The following PITHD1 variants were observed in gnomAD, a reference collection of about 807,000 sequenced individuals.
The protein encoded by PITHD1 is PITH domain containing 1.
A neutral mutation model predicts 27.5 loss-of-function variants in PITHD1; 8 were observed. The ratio of observed to expected loss-of-function variants is 0.29; its 90% confidence interval spans 0.17 to 0.52. The LOEUF is 0.52. Ranked by LOEUF, PITHD1 falls within the 20% of genes least tolerant of loss-of-function variation. The probability of loss-of-function intolerance (pLI) is 0.96; values close to 1 mark genes in which losing one functional copy is unlikely to be tolerated. For synonymous variants in PITHD1, 118 were observed against 106.8 expected (o/e 1.10, Z -0.64); for missense variants, 233 against 283.9 (o/e 0.82, Z 1.29).
rs549344099 is a variant in PITHD1 at position 23,788,156 on chromosome 1, G to C, written c.*780G>C. 6.6e-6 allele frequency: 1 copy of C among 152,310 alleles called. No homozygotes were observed. The highest frequency in any genetic ancestry group is 3.4e-3 in the Middle Eastern group (1 of 294). The allele number at this position is 152,310 out of a possible 1,614,324, so 9.4% of individuals were successfully genotyped here. On this transcript the variant is annotated 3_prime_UTR_variant, in exon 6 of 6. Coordinates refer to ENST00000246151, the MANE Select transcript of PITHD1 (RefSeq NM_020362.5). ...GTTGTAAGTCCGATGCCAGAATTTGGAGATTTGAGTTCTTCTTTTCATGGC... is the reference window on the plus strand; with the variant it reads ...GTTGTAAGTCCGATGCCAGAATTTGCAGATTTGAGTTCTTCTTTTCATGGC...
At chr1:23,785,262 G>T (rs1225756707) in intron 3 of PITHD1, 1 of 160,416 alleles carries the variant, frequency 6.2e-6, no homozygotes, top group African/African-American at 2.4e-5. Flanking sequence ...GGAGACCGAC[G>T]TAGGCGGATC....
At position 23,779,463 on chromosome 1, in the gene PITHD1, A is replaced by C; in HGVS notation, c.224A>C (p.Glu75Ala). ...SKFVESDADE[E>A]LLFNIPFTGN... is the part of the protein sequence containing the mutation. ...TTTGTTGAAAGTGATGCAGATGAAG[A>C]GCTTCTGTTTAATATTCCGTAAGTA... The change falls in exon 2 of 6, where the codon GAG (glutamate) becomes GCG (alanine). Residue 75 changes from glutamate (E) to alanine (A), a missense_variant. Transcript: ENST00000246151. The C allele has an allele frequency of 1.2e-6, 2 of 1,612,696 alleles. No homozygotes were observed. Among genetic ancestry groups the C allele is most frequent in the Non-Finnish European group, 1.7e-6 (2 of 1,178,796 alleles).
intron 3 of PITHD1, among the ~76,000 whole-genome samples, chr1:23,784,241 T>TTG (rs1487025228): frequency 7.3e-6 from 1 of 137,770 alleles, no homozygotes; most frequent in South Asian, 2.5e-4. Flanking sequence ...TTTCTTTTTT[T>TTG]TTTTTTTTTT....
At chr1:23,781,045 G>T (rs968568548) in intron 3 of PITHD1, among the ~76,000 whole-genome samples, 1 of 151,754 alleles carries the variant, frequency 6.6e-6, no homozygotes, top group African/African-American at 2.4e-5. Flanking sequence ...AAAATTAGCC[G>T]GGCATGGTGG....
Position 23,778,633 on chromosome 1 carries a change from C to T in PITHD1, c.118C>T (p.Leu40=). 7.5e-7 allele frequency: 1 copy of T among 1,333,680 alleles called. No individual in the cohort carries two copies. Among genetic ancestry groups the T allele is most frequent in the Non-Finnish European group, 9.6e-7 (1 of 1,042,950 alleles). 82.6% of individuals were successfully genotyped at this position (1,333,680 alleles called of 1,614,324 possible). Reference sequence around the variant, plus strand: ...GTACCTGCGCATCGACCTGGAGCGGCTGCAATGCCTTAACGAGAGCCGCGA... The same window carrying T: ...GTACCTGCGCATCGACCTGGAGCGGTTGCAATGCCTTAACGAGAGCCGCGA... The part of the protein sequence containing the change: ...GLYLRIDLER[L]QCLNESREGS... Residue 40 remains leucine, a synonymous_variant, in exon 1 of 6, where the codon CTG becomes TTG. Transcript: ENST00000246151.
Position 23,787,686 on chromosome 1 carries a change from A to T in PITHD1, c.*310A>T, listed in dbSNP as rs945159741. On this transcript the variant is annotated 3_prime_UTR_variant, in exon 6 of 6. Coordinates refer to ENST00000246151, the MANE Select transcript of PITHD1 (RefSeq NM_020362.5). Reference sequence around the variant, plus strand: ...ATGTGGCCATGTGATTCCAAGTGTCATGTTGCTTTGTGGCAAGATTGTTGT... The same window carrying T: ...ATGTGGCCATGTGATTCCAAGTGTCTTGTTGCTTTGTGGCAAGATTGTTGT... 1.5e-5 allele frequency: 3 copies of T among 198,286 alleles called. No homozygotes were observed. Among genetic ancestry groups the T allele is most frequent in the African/African-American group, 7.0e-5 (3 of 42,992 alleles). 12.3% of individuals were successfully genotyped at this position (198,286 alleles called of 1,614,324 possible).
Position 23,787,546 on chromosome 1 carries a change from T to C in PITHD1, c.*170T>C, listed in dbSNP as rs1638704232. On this transcript the variant is annotated 3_prime_UTR_variant, in exon 6 of 6. Coordinates refer to ENST00000246151, the MANE Select transcript of PITHD1 (RefSeq NM_020362.5). ...TGGCCTACGGAAGATACGACACCAC[T>C]GGGAGGGTTGTGTAGGTGCCAGGGG... 1 of 491,788 alleles carries C rather than the reference T, an allele frequency of 2.0e-6. No homozygotes were observed. The highest frequency in any genetic ancestry group is 2.0e-5 in the African/African-American group (1 of 51,140). The allele number at this position is 491,788 out of a possible 1,614,324, so 30.5% of individuals were successfully genotyped here.
chr1:23,784,130 A>G (rs1263647692), intron 3 of PITHD1, among the ~76,000 whole-genome samples: 1 of 152,012 alleles, frequency 6.6e-6, no homozygotes, highest in Non-Finnish European at 1.5e-5. Flanking sequence ...GATTTTAACT[A>G]CAGCGCTATA....
At chr1:23,782,132 C>T (rs1335214005) in intron 3 of PITHD1, among the ~76,000 whole-genome samples, 1 of 152,030 alleles carries the variant, frequency 6.6e-6, no homozygotes, top group East Asian at 1.9e-4. Context: ...AAAGAATTAC[C>T]ATTCAGCCAG....
At position 23,784,535 on chromosome 1, in the gene PITHD1, C is replaced by T. The variant is rs532600814; in HGVS notation, c.321-1140C>T. On this transcript the variant is annotated intron_variant, in intron 3 of 5. Transcript: ENST00000246151. Reference sequence around the variant, plus strand: ...GATTACAGGTGTGAGCCACTGCGCCCGGCGGCTTTCTTAAATTACATGCAT... The same window carrying T: ...GATTACAGGTGTGAGCCACTGCGCCTGGCGGCTTTCTTAAATTACATGCAT... Among the ~76,000 whole-genome samples, 5 of 152,126 alleles carry T rather than the reference C, an allele frequency of 3.3e-5. No individual in the cohort carries two copies. The East Asian group carries it at 5.8e-4, about 18-fold the overall frequency.
At chr1:23,780,038 TTAA>T (rs755166884) in intron 3 of PITHD1, 97 bp downstream of exon 3, 17 of 785,044 alleles carry the variant, frequency 2.2e-5, no homozygotes, top group Non-Finnish European at 2.2e-5. Context: ...CTTACCGGGT[TTAA>T]TATTTCCCCT....
chr1:23,781,742 A>G (rs1192150367), intron 3 of PITHD1, among the ~76,000 whole-genome samples: 2 of 152,152 alleles, frequency 1.3e-5, no homozygotes, highest in African/African-American at 4.8e-5. Flanking sequence ...TAGCTTCATG[A>G]CTTTGAGACC....
In PITHD1 at chr1:23,787,565, C is replaced by T. The variant is rs887156382; in HGVS notation, c.*189C>T. 2.3e-6 allele frequency: 1 copy of T among 440,058 alleles called. No individual in the cohort carries two copies. Among genetic ancestry groups the T allele is most frequent in the African/African-American group, 2.0e-5 (1 of 49,812 alleles). 27.3% of individuals were successfully genotyped at this position (440,058 alleles called of 1,614,324 possible). ...CACCACTGGGAGGGTTGTGTAGGTGCCAGGGGACCATCGTGGTTCTCTAGG... is the reference window on the plus strand; with the variant it reads ...CACCACTGGGAGGGTTGTGTAGGTGTCAGGGGACCATCGTGGTTCTCTAGG... On this transcript the variant is annotated 3_prime_UTR_variant, in exon 6 of 6. Transcript: ENST00000246151.
At chr1:23,786,842 T>A (rs890623480) in intron 5 of PITHD1, among the ~76,000 whole-genome samples, 1 of 152,088 alleles carries the variant, frequency 6.6e-6, no homozygotes, top group African/African-American at 2.4e-5. Flanking sequence ...TCTGCCCATC[T>A]CAGCCTCCCA....
chr1:23,778,922 G>GT (rs1266302393), intron 1 of PITHD1, among the ~76,000 whole-genome samples: 1 of 152,232 alleles, frequency 6.6e-6, no homozygotes, highest in Non-Finnish European at 1.5e-5. Flanking sequence ...AACGGGGACA[G>GT]TTTTGTCAAG....
intron 3 of PITHD1, among the ~76,000 whole-genome samples, chr1:23,782,776 A>AT (rs970414980): frequency 1.9e-4 from 28 of 151,350 alleles, no homozygotes; most frequent in Admixed American, 2.6e-4. Context: ...TAATTTATGT[A>AT]TTTTTTTGCA....
intron 3 of PITHD1, chr1:23,785,437 G>C (rs1394300530): frequency 4.9e-5 from 14 of 288,346 alleles, no homozygotes; most frequent in African/African-American, 2.9e-4. Context: ...AGGTTGCAGT[G>C]AGCTGAGATT....
intron 3 of PITHD1, among the ~76,000 whole-genome samples, chr1:23,781,434 G>A (rs933886678): frequency 2.7e-5 from 4 of 146,202 alleles, no homozygotes; most frequent in African/African-American, 1.0e-4. Flanking sequence ...CTGCATTCCA[G>A]CCTGGGCAAC....
At position 23,785,038 on chromosome 1, in the gene PITHD1, G is replaced by A. The variant is rs76579824; in HGVS notation, c.321-637G>A. 8.7e-3 allele frequency among the ~76,000 whole-genome samples: 1,329 copies of A among 152,008 alleles called. 14 individuals are homozygous for A. The highest frequency in any genetic ancestry group is 0.027 in the Middle Eastern group (8 of 294). On this transcript the variant is annotated intron_variant, in intron 3 of 5. Coordinates refer to ENST00000246151, the MANE Select transcript of PITHD1 (RefSeq NM_020362.5). ...GCTGTTTTATTTAATAACATCCTCAGTTTGGTCTGAATGTGCTGAGTTGTT... is the reference window on the plus strand; with the variant it reads ...GCTGTTTTATTTAATAACATCCTCAATTTGGTCTGAATGTGCTGAGTTGTT...
Sources: gnomAD v4.1 joint callset for allele counts (sites outside exome capture counted in the v4.1 genomes callset) on GRCh38, gnomAD v4.1.1 for gene constraint, MANE v1.5 for transcripts, NCBI Gene and HGNC (gene_info 2026-07-23, HGNC 2026-07-21) for gene names.